Variants in PNKD observed in about 807,000 individuals in gnomAD.
PNKD encodes the protein probable thioesterase PNKD.
In PNKD, 36 loss-of-function variants were observed where a neutral mutation model predicts 45.3. The observed-to-expected ratio is 0.80, with a 90% CI of 0.61 to 1.05. The LOEUF is 1.05. PNKD is among the 50% of genes least tolerant of loss of function. The probability of loss-of-function intolerance (pLI) is 0.00; values close to 1 mark genes in which losing one functional copy is unlikely to be tolerated. For missense variants in PNKD, 511 were observed against 506.6 expected (o/e 1.01, Z -0.08); for synonymous variants, 197 against 210.1 (o/e 0.94, Z 0.54).
intron 2 of PNKD, among the ~76,000 whole-genome samples, chr2:218,287,822 G>A (rs1360557839): frequency 2.0e-5 from 3 of 152,182 alleles, no homozygotes; most frequent in Admixed American, 6.5e-5. Context: ...ACCGAGGGGT[G>A]GCTCCAAGCT....
At chr2:218,297,671 A>G (rs1466800868) in intron 2 of PNKD, among the ~76,000 whole-genome samples, 309 of 123,024 alleles carry the variant, frequency 2.5e-3, no homozygotes, top group South Asian at 4.0e-3. Context: ...GGCAACAGAA[A>G]AAGACTCCGT....
chr2:218,322,821 T>C (rs1384186272), intron 2 of PNKD, among the ~76,000 whole-genome samples: 1 of 152,164 alleles, frequency 6.6e-6, no homozygotes, highest in African/African-American at 2.4e-5. Context: ...GCCAAGTACA[T>C]AGGAGGAGCT....
Position 218,337,891 on chromosome 2 carries a change from G to C in PNKD, c.237-1892G>C, listed in dbSNP as rs142346568. On this transcript the variant is annotated intron_variant, in intron 2 of 9. Coordinates refer to ENST00000273077, the MANE Select transcript of PNKD (RefSeq NM_015488.5). ...GGGTCGGGCACGGTGGCTCACCCCTGTAATCCCAGCACTTTGGGAGGCCAA... is the reference window on the plus strand; with the variant it reads ...GGGTCGGGCACGGTGGCTCACCCCTCTAATCCCAGCACTTTGGGAGGCCAA... 6.8e-3 allele frequency among the ~76,000 whole-genome samples: 1,041 copies of C among 152,316 alleles called. 13 individuals are homozygous for C. The highest frequency in any genetic ancestry group is 0.025 in the Admixed American group (388 of 15,306).
At chr2:218,277,592 A>G in intron 2 of PNKD, 1 of 1,613,960 alleles carries the variant, frequency 6.2e-7, no homozygotes, top group Non-Finnish European at 8.5e-7. Context: ...ACTCCCCACA[A>G]TACACATTTC....
chr2:218,297,574 A>G lies in PNKD; in HGVS notation c.236+26025A>G, dbSNP rs193091117. On this transcript the variant is annotated intron_variant, in intron 2 of 9. Transcript: ENST00000273077. The stretch of plus-strand genomic sequence containing the variant: ...GTGGCGCATGCCTGTAGTCCCAGCT[A>G]CACCGGAGGCTGAGGCAGGAGAATC... Among the ~76,000 whole-genome samples, 319 of 151,914 alleles carry G rather than the reference A, an allele frequency of 2.1e-3. 3 individuals carry two copies. The highest frequency in any genetic ancestry group is 7.0e-3 in the African/African-American group (289 of 41,448).
intron 2 of PNKD, among the ~76,000 whole-genome samples, chr2:218,332,905 G>C (rs988717194): frequency 1.3e-5 from 2 of 152,068 alleles, no homozygotes; most frequent in African/African-American, 4.8e-5. Flanking sequence ...GGTCCCTCCA[G>C]CCCTGCCCAA....
intron 2 of PNKD, chr2:218,277,321 G>T: frequency 1.3e-6 from 2 of 1,578,792 alleles, no homozygotes; most frequent in Non-Finnish European, 1.7e-6. Context: ...GGCCTGATAA[G>T]AAAGGGGAGT....
rs1378240041 is a variant in PNKD, at chr2:218,341,588, G to T, written c.579G>T (p.Val193=). 2.5e-6 allele frequency: 4 copies of T among 1,595,864 alleles called. No individual in the cohort carries two copies. Among genetic ancestry groups the T allele is most frequent in the African/African-American group, 2.7e-5 (2 of 74,510 alleles). Residue 193 remains valine (V), a synonymous_variant, in exon 6 of 10, where the codon GTG becomes GTT. Transcript: ENST00000273077. The part of the protein sequence containing the change: ...DLSRRHRDCR[V]YGSPQDGIPY... Reference sequence around the variant, plus strand: ...GCCGGCGGCACCGGGACTGTCGGGTGTACGGGAGCCCTCAGGACGGCATCC... The same window carrying T: ...GCCGGCGGCACCGGGACTGTCGGGTTTACGGGAGCCCTCAGGACGGCATCC...
chr2:218,320,212 G>T (rs751022941), intron 2 of PNKD, among the ~76,000 whole-genome samples: 1 of 152,166 alleles, frequency 6.6e-6, no homozygotes. Flanking sequence ...TAAATCCTTG[G>T]CCCTACTCTT....
intron 2 of PNKD, among the ~76,000 whole-genome samples, chr2:218,278,842 A>G (rs1464410654): frequency 1.3e-5 from 2 of 152,108 alleles, no homozygotes; most frequent in Non-Finnish European, 2.9e-5. Context: ...AGCAGGTCCC[A>G]CTCTTGCTCT....
At chr2:218,299,316 A>G (rs1693216224) in intron 2 of PNKD, among the ~76,000 whole-genome samples, 1 of 151,952 alleles carries the variant, frequency 6.6e-6, no homozygotes, top group African/African-American at 2.4e-5. Flanking sequence ...TAATTTTTGT[A>G]TTTTTAGTAG....
chr2:218,314,222 CTTTTTTTTTT>C lies in PNKD; in HGVS notation c.237-25549_237-25540del, dbSNP rs386392656. On this transcript the variant is annotated intron_variant, in intron 2 of 9. Transcript: ENST00000273077. ...ACAGGCGTGAGCCACCGCGCCCTGG[CTTTTTTTTTT>C]TTTTTTTTTTTGAGACAGAGTCTCT... Among the ~76,000 whole-genome samples, 392 of 67,750 alleles carry C rather than the reference CTTTTTTTTTT, an allele frequency of 5.8e-3. 12 individuals are homozygous for C. The highest frequency in any genetic ancestry group is 0.025 in the African/African-American group (377 of 15,366). The allele number at this position is 67,750 out of a possible 152,430, so 44.4% of individuals were successfully genotyped here.
intron 2 of PNKD, among the ~76,000 whole-genome samples, chr2:218,306,268 G>A (rs1305563449): frequency 6.6e-6 from 1 of 152,186 alleles, no homozygotes; most frequent in Non-Finnish European, 1.5e-5. Flanking sequence ...TGAAACTGAT[G>A]GCTAGGGGCT....
intron 2 of PNKD, among the ~76,000 whole-genome samples, chr2:218,284,883 G>A (rs1390330020): frequency 6.6e-6 from 1 of 152,196 alleles, no homozygotes; most frequent in Non-Finnish European, 1.5e-5. Context: ...CTGAGATCAG[G>A]AGTTCGAGAC....
chr2:218,280,888 C>G (rs1391622746), intron 2 of PNKD: 1 of 149,650 alleles, frequency 6.7e-6, no homozygotes, highest in African/African-American at 2.5e-5. Context: ...CTCGGCTCAC[C>G]GCAACCTCCA....
intron 2 of PNKD, among the ~76,000 whole-genome samples, chr2:218,276,336 T>C (rs1195731182): frequency 1.3e-5 from 2 of 152,194 alleles, no homozygotes; most frequent in Non-Finnish European, 2.9e-5. Flanking sequence ...GTGTCTACTA[T>C]ACTTCTAGAA....
chr2:218,286,516 G>C (rs188173274), intron 2 of PNKD: 2 of 152,390 alleles, frequency 1.3e-5, no homozygotes, highest in African/African-American at 4.8e-5. Context: ...CCCCCATTAG[G>C]AAGGAACCAG....
rs967335935 is a variant in PNKD at position 218,344,638 on chromosome 2, G to C, written c.984+68G>C. On this transcript the variant is annotated intron_variant, in intron 9 of 9. Coordinates refer to ENST00000273077, the MANE Select transcript of PNKD (RefSeq NM_015488.5). ...TCAGCCCCAACGGGAACCCATCCATGCTGACCCCAGGCCTGCGAGCACCTC... is the reference window on the plus strand; with the variant it reads ...TCAGCCCCAACGGGAACCCATCCATCCTGACCCCAGGCCTGCGAGCACCTC... 3.4e-6 allele frequency: 5 copies of C among 1,452,858 alleles called. No homozygotes were observed. In the African/African-American group the frequency reaches 5.6e-5, roughly 16 times the overall value. The allele number at this position is 1,452,858 out of a possible 1,614,324, so 90.0% of individuals were successfully genotyped here.
intron 2 of PNKD, among the ~76,000 whole-genome samples, chr2:218,315,010 C>T (rs867769072): frequency 1.0e-4 from 2 of 19,906 alleles, no homozygotes; most frequent in African/African-American, 1.6e-4. Context: ...TTCTTTCTTT[C>T]TTTTTCTTTC....
Sources: gnomAD v4.1 joint callset for allele counts (sites outside exome capture counted in the v4.1 genomes callset) on GRCh38, gnomAD v4.1.1 for gene constraint, MANE v1.5 for transcripts, NCBI Gene and HGNC (gene_info 2026-07-23, HGNC 2026-07-21) for gene names.